Variants in GMDS observed in about 807,000 individuals in gnomAD.
The protein encoded by GMDS is GDP-mannose 4,6-dehydratase.
A neutral mutation model predicts 49.9 loss-of-function variants in GMDS; 20 were observed. The ratio of observed to expected loss-of-function variants is 0.40; its 90% CI spans 0.28 to 0.58. The LOEUF (loss-of-function observed/expected upper bound fraction) is 0.58, where lower values mean the gene tolerates loss of function less well. Ranked by LOEUF, GMDS falls within the 20% of genes least tolerant of loss-of-function variation. The pLI is 0.42. For synonymous variants in GMDS, 177 were observed against 178.6 expected (o/e 0.99, Z 0.07); for missense variants, 362 against 481.4 (o/e 0.75, Z 2.32).
chr6:2,182,867 AG>A (rs574029507), intron 1 of GMDS, among the ~76,000 whole-genome samples: 2 of 152,052 alleles, frequency 1.3e-5, no homozygotes, highest in Admixed American at 6.5e-5. Context: ...TCACCATGCC[AG>A]GCTAATTTTT....
At chr6:1,647,929 C>G (rs1763536430) in intron 9 of GMDS, among the ~76,000 whole-genome samples, 1 of 152,198 alleles carries the variant, frequency 6.6e-6, no homozygotes, top group Non-Finnish European at 1.5e-5. Context: ...TCCCTTGAAC[C>G]ACAGCTGTTC....
intron 4 of GMDS, among the ~76,000 whole-genome samples, chr6:2,048,902 C>A (rs1770189044): frequency 6.6e-6 from 1 of 152,084 alleles, no homozygotes; most frequent in Non-Finnish European, 1.5e-5. Flanking sequence ...GTTTCCCCTC[C>A]CAAAATACCA....
chr6:2,097,748 G>A (rs1211386671), intron 4 of GMDS, among the ~76,000 whole-genome samples: 2 of 152,076 alleles, frequency 1.3e-5, no homozygotes, highest in African/African-American at 2.4e-5. Context: ...CTCCAGTTCC[G>A]CCCTAAAACC....
intron 7 of GMDS, among the ~76,000 whole-genome samples, chr6:1,811,735 T>TAAAA (rs1770439297): frequency 6.6e-6 from 1 of 152,176 alleles, no homozygotes; most frequent in Admixed American, 6.5e-5. Context: ...CAGTAGGCAC[T>TAAAA]CCACGTTTAA....
intron 1 of GMDS, among the ~76,000 whole-genome samples, chr6:2,150,168 G>T (rs1340514064): frequency 1.3e-5 from 2 of 151,964 alleles, no homozygotes; most frequent in Non-Finnish European, 2.9e-5. Context: ...TTTTCATTTA[G>T]GAACAGGTAT....
intron 7 of GMDS, among the ~76,000 whole-genome samples, chr6:1,866,365 C>T (rs1222945722): frequency 6.6e-6 from 1 of 152,252 alleles, no homozygotes; most frequent in East Asian, 1.9e-4. Context: ...AAGGCCTGAG[C>T]TTCACGAAGT....
intron 2 of GMDS, among the ~76,000 whole-genome samples, chr6:2,123,041 T>C (rs1027516237): frequency 3.3e-5 from 5 of 152,242 alleles, no homozygotes; most frequent in African/African-American, 1.2e-4. Context: ...TTGCATCGAT[T>C]TGCAAATCTC....
intron 1 of GMDS, among the ~76,000 whole-genome samples, chr6:2,217,216 A>G (rs866782412): frequency 3.3e-5 from 5 of 151,420 alleles, no homozygotes; most frequent in African/African-American, 9.7e-5. Context: ...ACCTGGCTGC[A>G]CCCCCTCCCA....
At chr6:1,841,036 A>T (rs1174881265) in intron 7 of GMDS, among the ~76,000 whole-genome samples, 3 of 152,218 alleles carry the variant, frequency 2.0e-5, no homozygotes, top group African/African-American at 7.2e-5. Flanking sequence ...CACACTGCAT[A>T]AACAGAATGT....
intron 7 of GMDS, among the ~76,000 whole-genome samples, chr6:1,775,937 T>TA (rs1768812720): frequency 6.6e-6 from 1 of 152,080 alleles, no homozygotes; most frequent in African/African-American, 2.4e-5. Flanking sequence ...TTTTGAGAAA[T>TA]AAAAAAAGGG....
intron 6 of GMDS, among the ~76,000 whole-genome samples, chr6:1,933,852 A>C (rs1762405331): frequency 6.6e-6 from 1 of 152,184 alleles, no homozygotes; most frequent in Non-Finnish European, 1.5e-5. Flanking sequence ...TGCTCTCTGA[A>C]GCATAAAAGC....
intron 7 of GMDS, among the ~76,000 whole-genome samples, chr6:1,772,874 G>A (rs997004402): frequency 6.6e-6 from 1 of 152,220 alleles, no homozygotes; most frequent in African/African-American, 2.4e-5. Flanking sequence ...CTGTGTTCCT[G>A]TTTAATATTC....
intron 8 of GMDS, among the ~76,000 whole-genome samples, chr6:1,731,190 G>A (rs1221287254): frequency 6.6e-6 from 1 of 152,188 alleles, no homozygotes; most frequent in African/African-American, 2.4e-5. Flanking sequence ...CCAGAAAGTA[G>A]AGCAAAAAGG....
intron 4 of GMDS, among the ~76,000 whole-genome samples, chr6:2,077,198 T>A (rs940986740): frequency 2.0e-5 from 3 of 152,172 alleles, no homozygotes; most frequent in Admixed American, 1.3e-4. Flanking sequence ...TGTGGTAGTC[T>A]TGTTTTTTTC....
chr6:1,773,937 A>C (rs1389016891), intron 7 of GMDS, among the ~76,000 whole-genome samples: 1 of 152,250 alleles, frequency 6.6e-6, no homozygotes, highest in Non-Finnish European at 1.5e-5. Context: ...TACACTGTAC[A>C]TTTTTGAAAA....
rs1396736654 is a variant in GMDS, at chr6:2,144,022, T to C, written c.103-19291A>G. Among the ~76,000 whole-genome samples, 5 of 152,178 alleles carry C rather than the reference T, an allele frequency of 3.3e-5. No homozygotes were observed. In the South Asian group the frequency reaches 8.3e-4, roughly 25 times the overall value. On this transcript the variant is annotated intron_variant, in intron 1 of 10. Coordinates refer to ENST00000380815, the MANE Select transcript of GMDS (RefSeq NM_001500.4). ...AATAAGACAGTTGTGTCCATTGACA[T>C]ATGTAAAAACAGTAATAATAAAAAT...
intron 9 of GMDS, among the ~76,000 whole-genome samples, chr6:1,708,332 C>T (rs950487992): frequency 7.9e-5 from 12 of 152,204 alleles, no homozygotes; most frequent in Non-Finnish European, 1.3e-4. Flanking sequence ...GGCAGCGAAG[C>T]GTGTTTGGAG....
chr6:1,746,883 G>A (rs1323831897), intron 7 of GMDS, among the ~76,000 whole-genome samples: 1 of 152,044 alleles, frequency 6.6e-6, no homozygotes, highest in Non-Finnish European at 1.5e-5. Flanking sequence ...TGTATTTTTA[G>A]TAGAGATGGG....
chr6:1,629,044 G>A (rs1263037723), intron 9 of GMDS, among the ~76,000 whole-genome samples: 1 of 152,172 alleles, frequency 6.6e-6, no homozygotes, highest in Non-Finnish European at 1.5e-5. Flanking sequence ...ACAACAAAAA[G>A]CCTCAGGAAA....
Sources: gnomAD v4.1 joint callset for allele counts (sites outside exome capture counted in the v4.1 genomes callset) on GRCh38, gnomAD v4.1.1 for gene constraint, MANE v1.5 for transcripts, NCBI Gene and HGNC (gene_info 2026-07-23, HGNC 2026-07-21) for gene names.